The following OMA1 variants were observed in gnomAD, a reference collection of about 807,000 sequenced individuals.
OMA1 encodes OMA1 zinc metallopeptidase.
Under a neutral mutation model 30.9 loss-of-function variants are expected in OMA1, and 38 were observed. The observed-to-expected ratio is 1.23, with a 90% CI of 0.95 to 1.61. The LOEUF is 1.61. OMA1 is among the 40% of genes most tolerant of loss of function. The pLI, the probability that OMA1 is intolerant of heterozygous loss-of-function variation, is 0.00. For missense variants in OMA1, 461 were observed against 349.2 expected (o/e 1.32, Z -2.55); for synonymous variants, 173 against 121.9 (o/e 1.42, Z -2.76).
At chr1:58,522,166 G>A (rs759020451) in intron 7 of OMA1, among the ~76,000 whole-genome samples, 42 of 152,144 alleles carry the variant, frequency 2.8e-4, no homozygotes, top group Non-Finnish European at 4.0e-4. Flanking sequence ...AATACAGGCA[G>A]AAAATGCAGG....
In OMA1 at chr1:58,481,088, A is replaced by C. The variant is rs761472810; in HGVS notation, c.1452T>G (p.Phe484Leu). The change falls in exon 9 of 9, where the codon TTT becomes TTG. Residue 484 changes from phenylalanine (F) to leucine (L), a missense_variant. Physicochemically the swap from Phe to Leu is conservative, Grantham distance 22. Transcript: ENST00000371226. ...GGTCTTCTTTCTCTGATTCTTCAAG[A>C]AAATGCTTCGTGCTGAGTTTGAATA... Reference protein sequence around the residue: ...RLLFKLSTKHFLEESEKEDLN... With the variant: ...RLLFKLSTKHLLEESEKEDLN... 50 of 872,048 alleles carry C rather than the reference A, an allele frequency of 5.7e-5. No homozygotes were observed. Among genetic ancestry groups the C allele is most frequent in the Admixed American group, 4.2e-4 (25 of 59,118 alleles). The allele number at this position is 872,048 out of a possible 1,614,324, so 54.0% of individuals were successfully genotyped here.
intron 8 of OMA1, among the ~76,000 whole-genome samples, chr1:58,482,052 G>C (rs1323423276): frequency 6.6e-6 from 1 of 152,190 alleles, no homozygotes; most frequent in Non-Finnish European, 1.5e-5. Context: ...CATTGCAAAG[G>C]AAGGAAAAGT....
chr1:58,485,176 T>C (rs1220090044), intron 8 of OMA1, among the ~76,000 whole-genome samples: 1 of 130,950 alleles, frequency 7.6e-6, no homozygotes, highest in Admixed American at 8.6e-5. Context: ...CTATACCTTC[T>C]ACTCAATTAA....
intron 8 of OMA1, among the ~76,000 whole-genome samples, chr1:58,492,266 T>C: frequency 6.6e-6 from 1 of 151,014 alleles, no homozygotes; most frequent in Non-Finnish European, 1.5e-5. Context: ...TTCAAAGCAG[T>C]GTGTAGAGGG....
intron 8 of OMA1, among the ~76,000 whole-genome samples, chr1:58,503,067 C>T (rs1318918050): frequency 1.3e-5 from 2 of 152,160 alleles, no homozygotes; most frequent in Non-Finnish European, 2.9e-5. Context: ...TCCGAAGATG[C>T]TCAGTAATTT....
At chr1:58,546,460 C>A (rs566668969) in intron 1 of OMA1, among the ~76,000 whole-genome samples, 1 of 152,112 alleles carries the variant, frequency 6.6e-6, no homozygotes, top group Admixed American at 6.5e-5. Context: ...GAGAACCGGG[C>A]TCCCCCAGGA....
At chr1:58,510,867 C>T (rs1156317455) in intron 7 of OMA1, among the ~76,000 whole-genome samples, 1 of 151,950 alleles carries the variant, frequency 6.6e-6, no homozygotes, top group African/African-American at 2.4e-5. Context: ...AACAATTCCA[C>T]TTACAGGAAA....
intron 7 of OMA1, among the ~76,000 whole-genome samples, chr1:58,526,118 A>G (rs1646346022): frequency 6.6e-6 from 1 of 152,142 alleles, no homozygotes; most frequent in Non-Finnish European, 1.5e-5. Flanking sequence ...ACCAGAACAC[A>G]GAACACACTT....
At chr1:58,512,226 T>C (rs138305177) in intron 7 of OMA1, among the ~76,000 whole-genome samples, 10 of 152,148 alleles carry the variant, frequency 6.6e-5, no homozygotes, top group Non-Finnish European at 1.3e-4. Flanking sequence ...TGTTAGGTTA[T>C]CTATCATTGA....
intron 6 of OMA1, among the ~76,000 whole-genome samples, chr1:58,529,643 C>T (rs752669907): frequency 5.3e-5 from 8 of 152,060 alleles, no homozygotes; most frequent in South Asian, 2.1e-4. Context: ...TTAACAGTGC[C>T]GCATTAAAAC....
At position 58,538,886 on chromosome 1, in the gene OMA1, G is replaced by A. The variant is rs1322999852; in HGVS notation, c.409C>T (p.His137Tyr). The A allele has an allele frequency of 4.6e-6, 4 of 872,704 alleles. No homozygotes were observed. Among genetic ancestry groups the A allele is most frequent in the Non-Finnish European group, 8.0e-6 (4 of 501,620 alleles). The allele number at this position is 872,704 out of a possible 1,614,324, so 54.1% of individuals were successfully genotyped here. A position where few individuals can be genotyped will look rare whatever the true frequency, so the allele number is the denominator to read the frequency against. The part of the protein sequence containing the change: ...PASIRAIRNF[H>Y]TSPRFQAAPV... The stretch of plus-strand genomic sequence containing the variant: ...GCAGCTTGAAACCGTGGAGAAGTAT[G>A]GAAATTCCTAATAGCTCTTATGGAA... Residue 137 changes from histidine to tyrosine, a missense_variant, in exon 2 of 9, where the codon CAT becomes TAT. Coordinates refer to ENST00000371226, the MANE Select transcript of OMA1 (RefSeq NM_145243.5).
intron 8 of OMA1, among the ~76,000 whole-genome samples, chr1:58,491,263 A>C (rs181421095): frequency 1.2e-4 from 19 of 152,320 alleles, no homozygotes; most frequent in Admixed American, 1.1e-3. Context: ...TCCTGAAGGA[A>C]GCACTAAACA....
At chr1:58,542,846 G>A (rs1011625338) in intron 1 of OMA1, among the ~76,000 whole-genome samples, 5 of 152,196 alleles carry the variant, frequency 3.3e-5, no homozygotes, top group Admixed American at 1.3e-4. Flanking sequence ...ACAGAGCTAG[G>A]AGTAGGTATT....
chr1:58,485,591 T>A (rs995664561), intron 8 of OMA1, among the ~76,000 whole-genome samples: 5 of 152,120 alleles, frequency 3.3e-5, no homozygotes, highest in African/African-American at 1.2e-4. Flanking sequence ...GATGTCTTGG[T>A]AACTTATTTT....
rs1463638437 is a variant in OMA1 at position 58,527,168 on chromosome 1, T to C, written c.1215+93A>G. The stretch of plus-strand genomic sequence containing the variant: ...AAGGGCTAATACAGTCCAACTCTCA[T>C]TCTCTGCTTATGCCAAGCCTCATTA... On this transcript the variant is annotated intron_variant, in intron 7 of 8. Coordinates refer to ENST00000371226, the MANE Select transcript of OMA1 (RefSeq NM_145243.5). 5.2e-6 allele frequency: 4 copies of C among 773,764 alleles called. No individual in the cohort carries two copies. In the Admixed American group the frequency reaches 5.4e-5, roughly 10 times the overall value. The allele number at this position is 773,764 out of a possible 1,614,324, so 47.9% of individuals were successfully genotyped here.
intron 7 of OMA1, among the ~76,000 whole-genome samples, chr1:58,522,454 A>G (rs1048172525): frequency 6.6e-6 from 1 of 152,208 alleles, no homozygotes; most frequent in Non-Finnish European, 1.5e-5. Context: ...AAAGCTTACA[A>G]CAAACATCAT....
chr1:58,505,152 C>T (rs149191781), intron 8 of OMA1, among the ~76,000 whole-genome samples: 2,498 of 152,106 alleles, frequency 0.016, 54 homozygotes, highest in East Asian at 0.12. Flanking sequence ...GGGTTTCACC[C>T]CGTTGGCCAG....
intron 7 of OMA1, among the ~76,000 whole-genome samples, chr1:58,525,555 G>A (rs376299508): frequency 7.2e-5 from 11 of 151,796 alleles, no homozygotes; most frequent in African/African-American, 2.7e-4. Context: ...AAAACATCGA[G>A]AAAAATTAAA....
At chr1:58,535,704 T>C (rs1416944469) in intron 3 of OMA1, among the ~76,000 whole-genome samples, 2 of 152,040 alleles carry the variant, frequency 1.3e-5, no homozygotes, top group Non-Finnish European at 2.9e-5. Flanking sequence ...AACATGTGTA[T>C]GTGCTATGAA....
Sources: allele counts gnomAD v4.1 joint callset (sites outside exome capture counted in the v4.1 genomes callset), GRCh38; gene constraint gnomAD v4.1.1; transcripts MANE v1.5; gene names NCBI Gene and HGNC (gene_info 2026-07-23, HGNC 2026-07-21).